The following ATRNL1 variants were observed in gnomAD, a reference collection of about 807,000 sequenced individuals.
ATRNL1 encodes attractin like 1.
ATRNL1 carries 95 observed loss-of-function variants against 182.7 expected under a neutral mutation model. That is an observed-to-expected ratio of 0.52 (90% CI 0.44 to 0.62). ATRNL1 has a LOEUF of 0.62. Ranked by LOEUF, ATRNL1 falls within the 20% of genes least tolerant of loss-of-function variation. ATRNL1 has a pLI of 0.00. For synonymous variants in ATRNL1, 576 were observed against 568.3 expected, an observed-to-expected ratio of 1.01 and a Z score of -0.19; for missense variants, 1,471 against 1,679.5, an observed-to-expected ratio of 0.88 and a Z score of 2.17.
intron 19 of ATRNL1, among the ~76,000 whole-genome samples, chr10:115,343,374 T>G (rs1855835874): frequency 6.6e-6 from 1 of 152,144 alleles, no homozygotes; most frequent in Non-Finnish European, 1.5e-5. Context: ...TTAAGCTCAC[T>G]AATTTTTTCT....
intron 1 of ATRNL1, 114 bp downstream of exon 1, chr10:115,094,157 G>T (rs991067961): frequency 1.8e-6 from 2 of 1,105,300 alleles, no homozygotes; most frequent in Non-Finnish European, 2.3e-6. Context: ...TCCCCCGGCC[G>T]TGAGTGAACC....
At chr10:115,896,969 A>T (rs1749155989) in intron 28 of ATRNL1, among the ~76,000 whole-genome samples, 1 of 152,180 alleles carries the variant, frequency 6.6e-6, no homozygotes, top group African/African-American at 2.4e-5. Flanking sequence ...CTGACACATA[A>T]ATTCTATAAC....
At chr10:115,499,739 A>G (rs1294863685) in intron 24 of ATRNL1, among the ~76,000 whole-genome samples, 1 of 152,174 alleles carries the variant, frequency 6.6e-6, no homozygotes, top group Non-Finnish European at 1.5e-5. Flanking sequence ...CAAAGGAGGC[A>G]ATCAGATATG....
chr10:115,549,560 T>G, intron 26 of ATRNL1, 24 bp downstream of exon 26: 1 of 1,520,184 alleles, frequency 6.6e-7, no homozygotes. Context: ...TATTTAATCT[T>G]TTGTTTAAAG....
chr10:115,568,470 T>C (rs1159444592), intron 26 of ATRNL1, among the ~76,000 whole-genome samples: 1 of 152,036 alleles, frequency 6.6e-6, no homozygotes, highest in Non-Finnish European at 1.5e-5. Flanking sequence ...TAGTGATATT[T>C]TCAGGTAATA....
At chr10:115,878,252 A>G (rs1555107701) in intron 28 of ATRNL1, among the ~76,000 whole-genome samples, 2 of 152,264 alleles carry the variant, frequency 1.3e-5, no homozygotes, top group African/African-American at 4.8e-5. Flanking sequence ...TGCAAGAAAA[A>G]GCCTTCATTC....
At chr10:115,791,465 G>A (rs782101049) in intron 27 of ATRNL1, among the ~76,000 whole-genome samples, 4 of 152,006 alleles carry the variant, frequency 2.6e-5, no homozygotes, top group Admixed American at 6.6e-5. Flanking sequence ...TGTTCGGAAA[G>A]GTAACCACTG....
At chr10:115,462,568 C>T (rs1033300969) in intron 22 of ATRNL1, among the ~76,000 whole-genome samples, 11 of 152,008 alleles carry the variant, frequency 7.2e-5, no homozygotes, top group South Asian at 2.1e-4. Flanking sequence ...GCCGAGATCA[C>T]GCCACTGCAC....
intron 26 of ATRNL1, among the ~76,000 whole-genome samples, chr10:115,716,870 T>G (rs1947267896): frequency 6.6e-6 from 1 of 152,158 alleles, no homozygotes. Flanking sequence ...AACTTAAACC[T>G]CTAAGTTTAA....
intron 26 of ATRNL1, among the ~76,000 whole-genome samples, chr10:115,559,924 G>C (rs1853592756): frequency 6.6e-6 from 1 of 152,146 alleles, no homozygotes. Flanking sequence ...GAGCCATCTA[G>C]ATTGGGAAGA....
intron 28 of ATRNL1, among the ~76,000 whole-genome samples, chr10:115,879,367 G>C (rs1430041124): frequency 4.0e-5 from 6 of 150,948 alleles, no homozygotes; most frequent in Non-Finnish European, 5.9e-5. Flanking sequence ...AAAATGCCTT[G>C]GCCAAGATGA....
chr10:115,567,880 C>T (rs1393385562), intron 26 of ATRNL1, among the ~76,000 whole-genome samples: 2 of 152,032 alleles, frequency 1.3e-5, no homozygotes, highest in Non-Finnish European at 2.9e-5. Context: ...TGTCTATGAT[C>T]TCTTTTTGTT....
At chr10:115,939,604 A>G (rs556170113) in intron 28 of ATRNL1, among the ~76,000 whole-genome samples, 1 of 152,214 alleles carries the variant, frequency 6.6e-6, no homozygotes, top group Non-Finnish European at 1.5e-5. Context: ...ATCAGTCTAA[A>G]ATAATGAATT....
intron 8 of ATRNL1, among the ~76,000 whole-genome samples, chr10:115,205,154 A>T (rs545579011): frequency 1.3e-5 from 2 of 152,040 alleles, no homozygotes; most frequent in Non-Finnish European, 2.9e-5. Context: ...TAACCTTTAT[A>T]CTACAGATAA....
rs782388883 is a variant in ATRNL1 at position 115,447,306 on chromosome 10, A to G, written c.3323-14635A>G. 3.3e-5 allele frequency among the ~76,000 whole-genome samples: 5 copies of G among 151,956 alleles called. No homozygotes were observed. The Middle Eastern group carries it at 0.01, about 317-fold the overall frequency. ...TGGATTTTTTAAAAAGAAAGTAAAC[A>G]TCACAGATAGAGTTGATTTTTTTTG... is the stretch of plus-strand genomic sequence containing the variant. On this transcript the variant is annotated intron_variant, in intron 21 of 28. Coordinates refer to ENST00000355044, the MANE Select transcript of ATRNL1 (RefSeq NM_207303.4).
At chr10:115,807,557 G>C (rs1555085931) in intron 27 of ATRNL1, among the ~76,000 whole-genome samples, 1 of 152,140 alleles carries the variant, frequency 6.6e-6, no homozygotes, top group Non-Finnish European at 1.5e-5. Context: ...AATTGACCAG[G>C]ATATAAAAAG....
chr10:115,397,324 C>T (rs1844337861), intron 20 of ATRNL1, among the ~76,000 whole-genome samples: 2 of 151,824 alleles, frequency 1.3e-5, no homozygotes, highest in South Asian at 2.1e-4. Context: ...GCTTATGAAC[C>T]CCTTCCACTT....
intron 24 of ATRNL1, among the ~76,000 whole-genome samples, chr10:115,504,515 A>C (rs1031430470): frequency 1.3e-5 from 2 of 152,042 alleles, no homozygotes; most frequent in Non-Finnish European, 2.9e-5. Flanking sequence ...TTTACTAAAG[A>C]TTATGGAAGC....
intron 27 of ATRNL1, among the ~76,000 whole-genome samples, chr10:115,834,754 T>A (rs1402413443): frequency 6.6e-6 from 1 of 152,104 alleles, no homozygotes; most frequent in Non-Finnish European, 1.5e-5. Flanking sequence ...CCTTCCACCA[T>A]GTGTTAATCT....
Sources: allele counts gnomAD v4.1 joint callset (sites outside exome capture counted in the v4.1 genomes callset), GRCh38; gene constraint gnomAD v4.1.1; transcripts MANE v1.5; gene names NCBI Gene and HGNC (gene_info 2026-07-23, HGNC 2026-07-21).